The following TXNDC15 variants were observed in gnomAD, a reference collection of about 807,000 sequenced individuals.
The protein encoded by TXNDC15 is thioredoxin domain-containing protein 15.
TXNDC15 carries 24 observed loss-of-function variants against 35.0 expected under a neutral mutation model. The ratio of observed to expected loss-of-function variants is 0.68; its 90% CI spans 0.50 to 0.96. The LOEUF (loss-of-function observed/expected upper bound fraction) is 0.96, where lower values mean the gene tolerates loss of function less well. TXNDC15 is among the 40% of genes least tolerant of loss of function. The pLI, the probability that TXNDC15 is intolerant of heterozygous loss-of-function variation, is 0.00. For missense variants in TXNDC15, 385 were observed against 453.3 expected (o/e 0.85, Z 1.37); for synonymous variants, 169 against 174.0 (o/e 0.97, Z 0.23).
Position 134,896,418 on chromosome 5 carries a change from C to CA in TXNDC15, c.881dup (p.Thr295AspfsTer41). On this transcript the variant is annotated frameshift_variant, in exon 4 of 5. Transcript: ENST00000358387. LOFTEE classifies it high-confidence loss of function. ...AACACTGAAAATCTTCATTTTTAAT[C>CA]AGACAGGTATGTGGAAGTAATGTGC... is the stretch of plus-strand genomic sequence containing the variant. The CA allele has an allele frequency of 6.2e-7, 1 of 1,613,468 alleles. No homozygotes were observed. Among genetic ancestry groups the CA allele is most frequent in the African/African-American group, 1.3e-5 (1 of 74,998 alleles).
At chr5:134,875,476 A>G in intron 1 of TXNDC15, 2 of 439,520 alleles carry the variant, frequency 4.6e-6, no homozygotes, top group South Asian at 1.6e-5. Context: ...TACGAGCATC[A>G]TCTTTTGGAA....
At chr5:134,875,308 C>T (rs1232156804) in intron 1 of TXNDC15, 1 of 456,146 alleles carries the variant, frequency 2.2e-6, no homozygotes, top group Non-Finnish European at 4.4e-6. Flanking sequence ...TCTCGCTTGT[C>T]ATTTAGACCT....
At chr5:134,877,938 T>C (rs1342669328) in intron 1 of TXNDC15, among the ~76,000 whole-genome samples, 1 of 152,170 alleles carries the variant, frequency 6.6e-6, no homozygotes, top group East Asian at 1.9e-4. Context: ...ACACCCCGGC[T>C]AATTTTTGGT....
At chr5:134,883,348 C>T (rs1020759902) in intron 1 of TXNDC15, among the ~76,000 whole-genome samples, 2 of 152,034 alleles carry the variant, frequency 1.3e-5, no homozygotes, top group Admixed American at 6.6e-5. Context: ...TTCCTTGAAC[C>T]GGAACCCAGG....
chr5:134,891,629 A>ATGAGC (rs1371206414), intron 2 of TXNDC15, among the ~76,000 whole-genome samples: 1 of 152,208 alleles, frequency 6.6e-6, no homozygotes, highest in African/African-American at 2.4e-5. Flanking sequence ...AGAATGGGCA[A>ATGAGC]TGAGCAATGA....
At chr5:134,881,171 T>TTTTTTTTATTTA (rs1554162544) in intron 1 of TXNDC15, among the ~76,000 whole-genome samples, 3 of 124,308 alleles carry the variant, frequency 2.4e-5, no homozygotes, top group South Asian at 2.6e-4. Context: ...GATAGGTTCT[T>TTTTTTTTATTTA]TTTATTTATT....
chr5:134,893,671 G>A lies in TXNDC15; in HGVS notation c.755+16G>A. The stretch of plus-strand genomic sequence containing the variant: ...AGCACAGCAGGTATCTTCCATTGGT[G>A]GGGTTTACGTCCATCCTCCTGGCTG... On this transcript the variant is annotated intron_variant, in intron 3 of 4. Transcript: ENST00000358387. 6.2e-7 allele frequency: 1 copy of A among 1,614,020 alleles called. No homozygotes were observed. The highest frequency in any genetic ancestry group is 2.2e-5 in the East Asian group (1 of 44,880).
intron 4 of TXNDC15, 55 bp from the exon 5 acceptor site, chr5:134,899,434 A>C: frequency 6.5e-7 from 1 of 1,535,670 alleles, no homozygotes; most frequent in Non-Finnish European, 8.9e-7. Flanking sequence ...ACTTGAGAAA[A>C]ATCTGTGGTG....
At chr5:134,894,083 C>G (rs185940779) in intron 3 of TXNDC15, among the ~76,000 whole-genome samples, 20 of 152,254 alleles carry the variant, frequency 1.3e-4, no homozygotes, top group Admixed American at 9.8e-4. Context: ...TTCTTCCCTT[C>G]CTTTTCTTTT....
At chr5:134,874,012 C>CAAAG (rs1749970784), upstream of TXNDC15, 1 of 161,314 alleles carries the variant, frequency 6.2e-6, no homozygotes, top group Non-Finnish European at 1.3e-5. Context: ...AGTTTCTGCA[C>CAAAG]CTCGATGGGA....
At chr5:134,883,436 CA>C (rs1278854462) in intron 1 of TXNDC15, among the ~76,000 whole-genome samples, 1 of 150,328 alleles carries the variant, frequency 6.7e-6, no homozygotes, top group Non-Finnish European at 1.5e-5. Flanking sequence ...CAAAAAAAAC[CA>C]AAAAAACAAA....
At chr5:134,887,671 T>C (rs2150187445) in intron 1 of TXNDC15, 24 bp from the exon 2 acceptor site, 1 of 1,538,768 alleles carries the variant, frequency 6.5e-7, no homozygotes, top group Middle Eastern at 1.8e-4. Context: ...CAAATATGAC[T>C]CTGAATGTGC....
intron 4 of TXNDC15, among the ~76,000 whole-genome samples, chr5:134,899,008 C>T (rs1265245500): frequency 2.6e-5 from 4 of 151,694 alleles, no homozygotes; most frequent in East Asian, 3.9e-4. Flanking sequence ...ACCCAGGAGG[C>T]GGAGGTTGCA....
intron 4 of TXNDC15, among the ~76,000 whole-genome samples, chr5:134,899,111 C>T (rs1215586696): frequency 6.6e-6 from 1 of 151,952 alleles, no homozygotes; most frequent in African/African-American, 2.4e-5. Context: ...TTTAGCATTA[C>T]TTAACCTGTG....
At chr5:134,893,206 A>G (rs1267730054) in intron 2 of TXNDC15, 1 of 275,140 alleles carries the variant, frequency 3.6e-6, no homozygotes, top group African/African-American at 2.2e-5. Context: ...AAATATTAAA[A>G]TAACTTGTAA....
At chr5:134,878,255 C>G (rs565065188) in intron 1 of TXNDC15, among the ~76,000 whole-genome samples, 7 of 152,300 alleles carry the variant, frequency 4.6e-5, no homozygotes, top group African/African-American at 1.7e-4. Context: ...CTTTCCATCT[C>G]TTTGAATTGT....
intron 1 of TXNDC15, among the ~76,000 whole-genome samples, chr5:134,886,196 C>A (rs1023939658): frequency 6.6e-6 from 1 of 152,214 alleles, no homozygotes; most frequent in Non-Finnish European, 1.5e-5. Context: ...GCATCAGCAA[C>A]AACAAAAAGC....
chr5:134,881,393 A>C (rs1750141035), intron 1 of TXNDC15, among the ~76,000 whole-genome samples: 1 of 96,690 alleles, frequency 1.0e-5, no homozygotes. Flanking sequence ...ATGACTCTTA[A>C]CGAGCATGCT....
At chr5:134,895,663 A>G (rs1296919392) in intron 3 of TXNDC15, among the ~76,000 whole-genome samples, 1 of 152,202 alleles carries the variant, frequency 6.6e-6, no homozygotes, top group Non-Finnish European at 1.5e-5. Context: ...AGGCTTAGCA[A>G]GGTTAAATAA....
Sources: gnomAD v4.1 joint callset for allele counts (sites outside exome capture counted in the v4.1 genomes callset) on GRCh38, gnomAD v4.1.1 for gene constraint, MANE v1.5 for transcripts, NCBI Gene and HGNC (gene_info 2026-07-23, HGNC 2026-07-21) for gene names.